The following BMPR1A variants were observed in gnomAD, a reference collection of about 807,000 sequenced individuals.
BMPR1A encodes the protein bone morphogenetic protein receptor type-1A.
BMPR1A carries 7 observed loss-of-function variants against 66.0 expected under a neutral mutation model. That is an observed-to-expected ratio of 0.11 (90% CI 0.06 to 0.20). The LOEUF (loss-of-function observed/expected upper bound fraction) is 0.20, where lower values mean the gene tolerates loss of function less well. BMPR1A is among the 10% of genes least tolerant of loss of function. The pLI, the probability that BMPR1A is intolerant of heterozygous loss-of-function variation, is 1.00. For missense variants in BMPR1A, 408 were observed against 669.1 expected, an observed-to-expected ratio of 0.61 and a Z score of 4.31; for synonymous variants, 200 against 229.7, an observed-to-expected ratio of 0.87 and a Z score of 1.17.
At chr10:86,761,752 G>A (rs1000606004) in intron 1 of BMPR1A, among the ~76,000 whole-genome samples, 2 of 152,184 alleles carry the variant, frequency 1.3e-5, no homozygotes, top group Admixed American at 6.5e-5. Flanking sequence ...GATAACTAGC[G>A]TGGATGAGAG....
chr10:86,841,489 C>T (rs1412063178), intron 2 of BMPR1A, among the ~76,000 whole-genome samples: 1 of 152,176 alleles, frequency 6.6e-6, no homozygotes, highest in Non-Finnish European at 1.5e-5. Flanking sequence ...AGAGAATTGT[C>T]AGGCAGGCTT....
intron 2 of BMPR1A, among the ~76,000 whole-genome samples, chr10:86,866,406 T>TTTTTCTTTC (rs1346577493): frequency 9.3e-6 from 1 of 107,608 alleles, no homozygotes; most frequent in South Asian, 3.4e-4. Context: ...TTTCTTTTTT[T>TTTTTCTTTC]TTTTTTTTTT....
At chr10:86,915,934 T>G (rs1843561782) in intron 8 of BMPR1A, among the ~76,000 whole-genome samples, 1 of 152,226 alleles carries the variant, frequency 6.6e-6, no homozygotes. Context: ...AAAGTACTTC[T>G]GATATTGTCC....
chr10:86,797,069 T>TC (rs1554879659), intron 1 of BMPR1A, among the ~76,000 whole-genome samples: 1 of 87,608 alleles, frequency 1.1e-5, no homozygotes, highest in East Asian at 2.3e-4. Flanking sequence ...TTTTCTTTTC[T>TC]TTTTTTTTTT....
At position 86,907,679 on chromosome 10, in the gene BMPR1A, A is replaced by T. The variant is rs113807029; in HGVS notation, c.531-4561A>T. Among the ~76,000 whole-genome samples the T allele has an allele frequency of 6.2e-3, 940 of 152,320 alleles. 14 individuals carry two copies. Among genetic ancestry groups the T allele is most frequent in the African/African-American group, 0.02 (850 of 41,566 alleles). On this transcript the variant is annotated intron_variant, in intron 7 of 12. Transcript: ENST00000372037. Reference sequence around the variant, plus strand: ...TGTTATTTTCAGCAACGTGAATGGAACTGGAGTTCATTAATGTTAAGTGAA... The same window carrying T: ...TGTTATTTTCAGCAACGTGAATGGATCTGGAGTTCATTAATGTTAAGTGAA...
Position 86,926,692 on chromosome 10 carries a change from C to T in BMPR1A, c.*2973C>T, listed in dbSNP as rs1472889949. On this transcript the variant is annotated 3_prime_UTR_variant, in exon 13 of 13. Transcript: ENST00000372037. ...TATGTAGTACCATAGTTAGTAAATTCGTAAAACCTTGGAAGCCATTATTTG... is the reference window on the plus strand; with the variant it reads ...TATGTAGTACCATAGTTAGTAAATTTGTAAAACCTTGGAAGCCATTATTTG... The T allele has an allele frequency of 1.6e-5, 3 of 182,790 alleles. No individual in the cohort carries two copies. Among genetic ancestry groups the T allele is most frequent in the Admixed American group, 6.3e-5 (1 of 15,966 alleles). The allele number at this position is 182,790 out of a possible 1,614,324, so 11.3% of individuals were successfully genotyped here. A position where few individuals can be genotyped will look rare whatever the true frequency, so the allele number is the denominator to read the frequency against.
In BMPR1A at chr10:86,805,671, C is replaced by T. The variant is rs190801000; in HGVS notation, c.-267-33194C>T. Among the ~76,000 whole-genome samples the T allele has an allele frequency of 5.9e-5, 9 of 152,148 alleles. No individual in the cohort carries two copies. The East Asian group carries it at 1.7e-3, about 29-fold the overall frequency. On this transcript the variant is annotated intron_variant, in intron 1 of 12. Transcript: ENST00000372037. ...AGAGACGGGGTTTTGCCATGTTAGC[C>T]AGGATGGTCTCGATCTTCTGACCTC...
intron 1 of BMPR1A, among the ~76,000 whole-genome samples, chr10:86,811,107 T>C (rs1841963973): frequency 6.6e-6 from 1 of 152,196 alleles, no homozygotes; most frequent in South Asian, 2.1e-4. Flanking sequence ...AGTGCCATCT[T>C]GGTTCACGGC....
At chr10:86,839,812 C>T (rs1842400597) in intron 2 of BMPR1A, among the ~76,000 whole-genome samples, 1 of 151,876 alleles carries the variant, frequency 6.6e-6, no homozygotes, top group African/African-American at 2.4e-5. Context: ...CACACATCAC[C>T]ATGCCCAGCT....
At chr10:86,768,003 A>G (rs191561689) in intron 1 of BMPR1A, among the ~76,000 whole-genome samples, 82 of 152,294 alleles carry the variant, frequency 5.4e-4, no homozygotes, top group Non-Finnish European at 1.1e-3. Flanking sequence ...CAGTTCCCCT[A>G]GTAAGATGGT....
At chr10:86,773,452 G>A (rs1841296856) in intron 1 of BMPR1A, among the ~76,000 whole-genome samples, 1 of 151,930 alleles carries the variant, frequency 6.6e-6, no homozygotes, top group Non-Finnish European at 1.5e-5. Flanking sequence ...AATTAGCTGG[G>A]CATGGTGGCG....
In BMPR1A at chr10:86,781,927, C is replaced by T. The variant is rs1421567276; in HGVS notation, c.-268+25008C>T. On this transcript the variant is annotated intron_variant, in intron 1 of 12. Coordinates refer to ENST00000372037, the MANE Select transcript of BMPR1A (RefSeq NM_004329.3). ...ACCCAGGCAGGCTGGAGTGCAGTGG[C>T]GCGATCTGGGCTCACTGCAACCCCC... 4.8e-5 allele frequency among the ~76,000 whole-genome samples: 6 copies of T among 125,704 alleles called. No homozygotes were observed. In the East Asian group the frequency reaches 9.3e-4, roughly 19 times the overall value. 82.5% of individuals were successfully genotyped at this position (125,704 alleles called of 152,430 possible). A position where few individuals can be genotyped will look rare whatever the true frequency, so the allele number is the denominator to read the frequency against.
At chr10:86,833,182 A>G (rs1367969773) in intron 1 of BMPR1A, among the ~76,000 whole-genome samples, 1 of 152,164 alleles carries the variant, frequency 6.6e-6, no homozygotes, top group Non-Finnish European at 1.5e-5. Context: ...CCTGTCAGCA[A>G]TGTATGCGGG....
rs1589285684 is a variant in BMPR1A at position 86,906,442 on chromosome 10, G to GTCTCTTCTGTTTTTGA, written c.531-5798_531-5797insTCTCTTCTGTTTTTGA. Among the ~76,000 whole-genome samples the GTCTCTTCTGTTTTTGA allele has an allele frequency of 7.3e-3, 761 of 104,346 alleles. 71 individuals are homozygous for GTCTCTTCTGTTTTTGA. The highest frequency in any genetic ancestry group is 0.013 in the African/African-American group (230 of 17,210). 68.5% of individuals were successfully genotyped at this position (104,346 alleles called of 152,430 possible). On this transcript the variant is annotated intron_variant, in intron 7 of 12. Coordinates refer to ENST00000372037, the MANE Select transcript of BMPR1A (RefSeq NM_004329.3). ...TTTAAAACACTTTGTCCTTTTGGCT[G>GTCTCTTCTGTTTTTGA]GGCGCGGTGGCTCACGCCTGTAATC...
At chr10:86,759,237 G>A (rs1323321223) in intron 1 of BMPR1A, among the ~76,000 whole-genome samples, 2 of 152,016 alleles carry the variant, frequency 1.3e-5, no homozygotes, top group African/African-American at 4.8e-5. Flanking sequence ...GTTCCTCTCC[G>A]CCACTTTTCT....
intron 2 of BMPR1A, among the ~76,000 whole-genome samples, chr10:86,865,244 G>C (rs1215364667): frequency 6.6e-6 from 1 of 152,106 alleles, no homozygotes; most frequent in African/African-American, 2.4e-5. Context: ...CACCACAAAA[G>C]AAGTGAAAAT....
At chr10:86,852,120 TAA>T (rs527829936) in intron 2 of BMPR1A, among the ~76,000 whole-genome samples, 2 of 142,904 alleles carry the variant, frequency 1.4e-5, no homozygotes, top group Non-Finnish European at 3.1e-5. Context: ...TCACAACTGT[TAA>T]AAAAAAAAAA....
intron 3 of BMPR1A, 116 bp from the exon 4 acceptor site, chr10:86,889,946 T>C: frequency 1.8e-6 from 2 of 1,094,234 alleles, no homozygotes; most frequent in Non-Finnish European, 2.7e-6. Context: ...TAAAGAAACA[T>C]GCTAGCTACA....
chr10:86,825,068 A>ATAAAT (rs1249900668), intron 1 of BMPR1A, among the ~76,000 whole-genome samples: 1 of 150,564 alleles, frequency 6.6e-6, no homozygotes, highest in Non-Finnish European at 1.5e-5. Context: ...TAGGACATTT[A>ATAAAT]GAAATGACAT....
Sources: gnomAD v4.1 joint callset for allele counts (sites outside exome capture counted in the v4.1 genomes callset) on GRCh38, gnomAD v4.1.1 for gene constraint, MANE v1.5 for transcripts, NCBI Gene and HGNC (gene_info 2026-07-23, HGNC 2026-07-21) for gene names.